DNMT1: variants seen among roughly 807,000 people sequenced by gnomAD.
DNMT1 encodes the protein DNA (cytosine-5)-methyltransferase 1.
DNMT1 carries 24 observed loss-of-function variants against 205.3 expected under a neutral mutation model. That is an observed-to-expected ratio of 0.12 (90% CI 0.08 to 0.16). The LOEUF (loss-of-function observed/expected upper bound fraction) is 0.16. DNMT1 is among the 10% of genes least tolerant of loss of function. The pLI, the probability that DNMT1 is intolerant of heterozygous loss-of-function variation, is 1.00. For synonymous variants in DNMT1, 817 were observed against 839.8 expected, an observed-to-expected ratio of 0.97 and a Z score of 0.47; for missense variants, 1,293 against 2,177.7, an observed-to-expected ratio of 0.59 and a Z score of 8.09.
chr19:10,165,871 G>C (rs1443433977), intron 11 of DNMT1, among the ~76,000 whole-genome samples: 1 of 152,274 alleles, frequency 6.6e-6, no homozygotes, highest in East Asian at 1.9e-4. Context: ...CAATACCAAA[G>C]GCTCCCCTGC....
rs190284882 is a variant in DNMT1, at chr19:10,133,953, G to A, written c.4865-252C>T. On this transcript the variant is annotated intron_variant, in intron 40 of 40. Transcript: ENST00000359526. The surrounding 1 kb of genome is among the most constrained non-coding windows in gnomAD (Gnocchi z 4.1). ...GTGCCTGCTGAGCCAAATTCACCGA[G>A]CAGGAGTGAGGGAAACGGCCCCAGG... is the stretch of plus-strand genomic sequence containing the variant. Among the ~76,000 whole-genome samples the A allele has an allele frequency of 6.6e-6, 1 of 152,370 alleles. No individual in the cohort carries two copies. The highest frequency in any genetic ancestry group is 6.5e-5 in the Admixed American group (1 of 15,306).
chr19:10,160,478 G>A, intron 13 of DNMT1, 60 bp from the exon 14 acceptor site: 1 of 1,576,570 alleles, frequency 6.3e-7, no homozygotes, highest in Non-Finnish European at 8.7e-7. Flanking sequence ...CCCAGATAGT[G>A]CTTCGGTGTT....
chr19:10,169,658 C>T (rs1025146289), intron 9 of DNMT1, among the ~76,000 whole-genome samples: 2 of 150,562 alleles, frequency 1.3e-5, no homozygotes, highest in African/African-American at 4.9e-5. Flanking sequence ...CCCAGTTACT[C>T]GGGAGGCTGA....
intron 13 of DNMT1, among the ~76,000 whole-genome samples, chr19:10,160,870 G>C (rs996541710): frequency 6.6e-6 from 1 of 152,152 alleles, no homozygotes; most frequent in African/African-American, 2.4e-5. Flanking sequence ...CTGGGCGACA[G>C]AGTGAGTGAG....
At chr19:10,176,665 C>A (rs1003699015) in intron 6 of DNMT1, among the ~76,000 whole-genome samples, 5 of 152,136 alleles carry the variant, frequency 3.3e-5, no homozygotes, top group Non-Finnish European at 5.9e-5. Context: ...TGAGACCAGT[C>A]TGGCCAACAT....
At chr19:10,158,858 C>A (rs550669815) in intron 17 of DNMT1, among the ~76,000 whole-genome samples, 1 of 152,342 alleles carries the variant, frequency 6.6e-6, no homozygotes, top group African/African-American at 2.4e-5. Context: ...GGTGCCCCAC[C>A]CCGGCCATCC....
chr19:10,163,067 C>A, intron 12 of DNMT1: 1 of 560,680 alleles, frequency 1.8e-6, no homozygotes, highest in East Asian at 3.1e-5. Flanking sequence ...TGGCTTCTAG[C>A]AGTTCTGCCT....
At position 10,166,696 on chromosome 19, in the gene DNMT1, A is replaced by T; in HGVS notation, c.804-11T>A. The T allele has an allele frequency of 2.5e-6, 4 of 1,614,032 alleles. No homozygotes were observed. Among genetic ancestry groups the T allele is most frequent in the Non-Finnish European group, 3.4e-6 (4 of 1,179,972 alleles). ...TTCTGTTTGGGTGTTCTGTCACAGA[A>T]GACAACACACACACAGGCTGGTCAG... On this transcript the variant is annotated splice_polypyrimidine_tract_variant and intron_variant, in intron 10 of 40. Coordinates refer to ENST00000359526, the MANE Select transcript of DNMT1 (RefSeq NM_001130823.3).
chr19:10,187,064 G>C (rs2039199625), intron 1 of DNMT1, among the ~76,000 whole-genome samples: 1 of 151,802 alleles, frequency 6.6e-6, no homozygotes, highest in African/African-American at 2.4e-5. Flanking sequence ...CCACATACAG[G>C]GAGGGAAAGG....
intron 40 of DNMT1, 112 bp downstream of exon 40, chr19:10,134,105 G>T (rs76159732): frequency 1.8e-6 from 2 of 1,105,576 alleles, no homozygotes; most frequent in Non-Finnish European, 2.8e-6. Context: ...ACGAACGTGG[G>T]TAGGTGACCC....
chr19:10,181,560 T>C (rs1156362445), intron 2 of DNMT1, among the ~76,000 whole-genome samples: 2 of 149,082 alleles, frequency 1.3e-5, no homozygotes, highest in African/African-American at 4.9e-5. Flanking sequence ...GGGCCAGGCA[T>C]GGTGGCTCAC....
chr19:10,187,637 A>G (rs2039216846), intron 1 of DNMT1, among the ~76,000 whole-genome samples: 1 of 150,286 alleles, frequency 6.7e-6, no homozygotes, highest in Non-Finnish European at 1.5e-5. Flanking sequence ...CAGGAGGCCG[A>G]GGCGGAAGGA....
At chr19:10,148,323 C>T (rs1042199817) in intron 27 of DNMT1, among the ~76,000 whole-genome samples, 51 of 149,720 alleles carry the variant, frequency 3.4e-4, no homozygotes, top group African/African-American at 1.0e-3. Context: ...AGTGAAACCT[C>T]GTCTCTACTA....
At position 10,156,915 on chromosome 19, in the gene DNMT1, C is replaced by T. The variant is rs547380391; in HGVS notation, c.1281-406G>A. Among the ~76,000 whole-genome samples, 9 of 152,282 alleles carry T rather than the reference C, an allele frequency of 5.9e-5. No homozygotes were observed. Among genetic ancestry groups the T allele is most frequent in the African/African-American group, 2.2e-4 (9 of 41,550 alleles). Reference sequence around the variant, plus strand: ...TTACAGGCTGAACCACCATGCCTGGCCCCGACACTCATTTTTTGGTTGCGG... The same window carrying T: ...TTACAGGCTGAACCACCATGCCTGGTCCCGACACTCATTTTTTGGTTGCGG... On this transcript the variant is annotated intron_variant, in intron 17 of 40. Transcript: ENST00000359526. This position sits in a 1 kb window ranked among gnomAD's most constrained non-coding sequence, Gnocchi z 4.2.
intron 19 of DNMT1, among the ~76,000 whole-genome samples, 156 bp from the exon 20 acceptor site, chr19:10,155,212 G>C (rs999214112): frequency 6.6e-6 from 1 of 152,182 alleles, no homozygotes; most frequent in Non-Finnish European, 1.5e-5. Flanking sequence ...ATCATAGCTG[G>C]CTTGTTCTGA....
In DNMT1 at chr19:10,155,010, G is replaced by A; in HGVS notation, c.1539C>T (p.Pro513=). The A allele has an allele frequency of 6.2e-7, 1 of 1,613,920 alleles. No homozygotes were observed. The highest frequency in any genetic ancestry group is 8.5e-7 in the Non-Finnish European group (1 of 1,179,992). ...ILMDPSPEYA[P]IFGLMQEKIY... Reference sequence around the variant, plus strand: ...TCTTCTCCTGCATCAGCCCAAATATGGGCGCATACTCGGGACTGGGATCCA... The same window carrying A: ...TCTTCTCCTGCATCAGCCCAAATATAGGCGCATACTCGGGACTGGGATCCA... Residue 513 remains proline, a synonymous_variant, in exon 20 of 41, where the codon CCC becomes CCT. Transcript: ENST00000359526.
Position 10,151,529 on chromosome 19 carries a change from T to C in DNMT1, c.2134A>G (p.Met712Val). 2.5e-6 allele frequency: 4 copies of C among 1,613,952 alleles called. No homozygotes were observed. The highest frequency in any genetic ancestry group is 3.4e-6 in the Non-Finnish European group (4 of 1,180,034). The change falls in exon 24 of 41, where the codon ATG (methionine) becomes GTG (valine). Residue 712 changes from methionine to valine, a missense_variant. By Grantham distance (21) the Met-to-Val change is conservative. Coordinates refer to ENST00000359526, the MANE Select transcript of DNMT1 (RefSeq NM_001130823.3). This position sits in a 1 kb window ranked among gnomAD's most constrained non-coding sequence, Gnocchi z 5.0. ...CQERRCPNMA[M>V]KEADDDEEVD... ...TCCTCATCGTCATCTGCCTCCTTCATGGCCATATTGGGACACCTGCAATGT... is the reference window on the plus strand; with the variant it reads ...TCCTCATCGTCATCTGCCTCCTTCACGGCCATATTGGGACACCTGCAATGT...
At position 10,156,299 on chromosome 19, in the gene DNMT1, A is replaced by G; in HGVS notation, c.1399+92T>C. On this transcript the variant is annotated intron_variant, in intron 18 of 40. Transcript: ENST00000359526. The surrounding 1 kb of genome is among the most constrained non-coding windows in gnomAD (Gnocchi z 4.2). ...CGGGCTCAAGTGATCCTCTGGCCTC[A>G]GACCCCCAAAGTGCTAGGATTACAG... 1 of 1,029,656 alleles carries G rather than the reference A, an allele frequency of 9.7e-7. No individual in the cohort carries two copies. Among genetic ancestry groups the G allele is most frequent in the Admixed American group, 1.7e-5 (1 of 58,466 alleles). The allele number at this position is 1,029,656 out of a possible 1,614,324, so 63.8% of individuals were successfully genotyped here.
chr19:10,181,367 T>C (rs1295810716), intron 2 of DNMT1, among the ~76,000 whole-genome samples: 1 of 151,782 alleles, frequency 6.6e-6, no homozygotes, highest in Non-Finnish European at 1.5e-5. Flanking sequence ...GAAAATCACT[T>C]GAGCCTGGGA....
Sources: gnomAD v4.1 joint callset for allele counts (sites outside exome capture counted in the v4.1 genomes callset) on GRCh38, gnomAD v4.1.1 for gene constraint, Gnocchi (gnomAD v3.1) non-coding constraint, MANE v1.5 for transcripts, NCBI Gene and HGNC (gene_info 2026-07-23, HGNC 2026-07-21) for gene names.